Variants in H6PD observed in about 807,000 individuals in gnomAD.
H6PD encodes hexose-6-phosphate dehydrogenase/glucose 1-dehydrogenase, also known as GDH/6PGL endoplasmic bifunctional protein.
In H6PD, 48 loss-of-function variants were observed where a neutral mutation model predicts 61.2. That is an observed-to-expected ratio of 0.78 (90% CI 0.62 to 1.00). The LOEUF (loss-of-function observed/expected upper bound fraction) is 1.00. Ranked by LOEUF, H6PD falls within the 50% of genes least tolerant of loss-of-function variation. The pLI is 0.00. For synonymous variants in H6PD, 480 were observed against 457.9 expected (o/e 1.05, Z -0.62); for missense variants, 1,093 against 1,065.0 (o/e 1.03, Z -0.37).
In H6PD at chr1:9,235,012, A is replaced by T. The variant is rs1640809570; in HGVS notation, c.-65A>T. 6.8e-6 allele frequency: 1 copy of T among 147,040 alleles called. No individual in the cohort carries two copies. The allele number at this position is 147,040 out of a possible 1,614,324, so 9.1% of individuals were successfully genotyped here. A position where few individuals can be genotyped will look rare whatever the true frequency, so the allele number is the denominator to read the frequency against. On this transcript the variant is annotated 5_prime_UTR_variant, in exon 1 of 5. Coordinates refer to ENST00000377403, the MANE Select transcript of H6PD (RefSeq NM_004285.4). ...GCCCTCGGGAGCGGGCCCGGCCCTC[A>T]GCGCCGCCCCGGCCGTGTCCCGGAG...
Position 9,245,007 on chromosome 1 carries a change from C to T in H6PD, c.73C>T (p.His25Tyr). 3 of 1,614,088 alleles carry T rather than the reference C, an allele frequency of 1.9e-6. No homozygotes were observed. The highest frequency in any genetic ancestry group is 8.5e-7 in the Non-Finnish European group (1 of 1,179,926). Reference protein sequence around the residue: ...GCLQAQELQGHVSIILLGATG... With the variant: ...GCLQAQELQGYVSIILLGATG... ...CCTGCAAGCCCAGGAGCTCCAGGGA[C>T]ATGTCTCCATAATCCTGCTGGGAGC... Residue 25 changes from histidine to tyrosine, a missense_variant, in exon 2 of 5, where the codon CAT becomes TAT. Physicochemically the swap from His to Tyr is moderately conservative, Grantham distance 83 (BLOSUM62 2). Transcript: ENST00000377403. The surrounding 1 kb of genome is among the most constrained non-coding windows in gnomAD (Gnocchi z 4.8).
chr1:9,243,880 AG>A (rs1238589282), intron 1 of H6PD, among the ~76,000 whole-genome samples: 4 of 85,862 alleles, frequency 4.7e-5, no homozygotes, highest in South Asian at 5.1e-4. Context: ...GGGCGGTGGG[AG>A]GGGGGGTCTG....
At chr1:9,252,791 C>T (rs1202367254) in intron 3 of H6PD, among the ~76,000 whole-genome samples, 1 of 152,150 alleles carries the variant, frequency 6.6e-6, no homozygotes, top group Non-Finnish European at 1.5e-5. Context: ...TGAGTCTGAG[C>T]AGCACAGCTG....
chr1:9,254,309 C>T lies in H6PD; in HGVS notation c.745+7226C>T, dbSNP rs945669337. Among the ~76,000 whole-genome samples, 14 of 152,110 alleles carry T rather than the reference C, an allele frequency of 9.2e-5. No homozygotes were observed. Among genetic ancestry groups the T allele is most frequent in the African/African-American group, 2.9e-4 (12 of 41,412 alleles). ...GGCGAAGGTTACAGTGAGCCAAGAT[C>T]GCGCCACTGCACTGCAGCCTGGGTA... On this transcript the variant is annotated intron_variant, in intron 3 of 4. Coordinates refer to ENST00000377403, the MANE Select transcript of H6PD (RefSeq NM_004285.4). This position sits in a 1 kb window ranked among gnomAD's most constrained non-coding sequence, Gnocchi z 4.6.
At chr1:9,242,962 C>T in intron 1 of H6PD, 1 of 985,400 alleles carries the variant, frequency 1.0e-6, no homozygotes, top group Non-Finnish European at 1.2e-6. Flanking sequence ...GCAGAATGGT[C>T]CTGTGGTCCG....
intron 1 of H6PD, among the ~76,000 whole-genome samples, chr1:9,239,177 G>A (rs1407222908): frequency 6.6e-6 from 1 of 152,038 alleles, no homozygotes; most frequent in Non-Finnish European, 1.5e-5. Context: ...CTCCCAAGTA[G>A]CTGGGATTAC....
chr1:9,248,847 G>A (rs544352677), intron 3 of H6PD, among the ~76,000 whole-genome samples: 21 of 152,298 alleles, frequency 1.4e-4, no homozygotes, highest in Non-Finnish European at 2.4e-4. Context: ...TCAGGGAATC[G>A]TCCTCCAGCC....
chr1:9,256,867 G>A (rs960116776), intron 3 of H6PD, among the ~76,000 whole-genome samples: 15 of 151,906 alleles, frequency 9.9e-5, no homozygotes, highest in African/African-American at 3.6e-4. Context: ...TTATTCCCTC[G>A]CTTCTCTTTC....
chr1:9,263,649 T>G lies in H6PD; in HGVS notation c.1156T>G (p.Trp386Gly). 4 of 1,614,176 alleles carry G rather than the reference T, an allele frequency of 2.5e-6. No individual in the cohort carries two copies. In the South Asian group the frequency reaches 4.4e-5, roughly 18 times the overall value. ...CTGCTGTGTGCAGAGCGAAAAGCAC[T>G]GGGCCGCGGCGCAGAGCCAGTGCCT... ...QACCVQSEKH[W>G]AAAQSQCLPR... The change falls in exon 5 of 5, where the codon TGG becomes GGG. Residue 386 changes from tryptophan to glycine, a missense_variant. Coordinates refer to ENST00000377403, the MANE Select transcript of H6PD (RefSeq NM_004285.4).
intron 3 of H6PD, among the ~76,000 whole-genome samples, chr1:9,259,330 ATGT>A (rs1168045103): frequency 1.3e-5 from 2 of 152,000 alleles, no homozygotes; most frequent in Admixed American, 6.6e-5. Flanking sequence ...CAGTGTTGTT[ATGT>A]TGTTGTTACA....
intron 1 of H6PD, among the ~76,000 whole-genome samples, chr1:9,236,977 G>A (rs1436102061): frequency 1.3e-5 from 2 of 152,176 alleles, no homozygotes; most frequent in Non-Finnish European, 2.9e-5. Context: ...AAGGCAAAGC[G>A]GACCCGGGAG....
intron 1 of H6PD, among the ~76,000 whole-genome samples, chr1:9,235,817 G>T (rs897920737): frequency 8.5e-5 from 13 of 152,198 alleles, no homozygotes; most frequent in Admixed American, 4.6e-4. Context: ...TCACTATGTT[G>T]CCCTGGCTGG....
chr1:9,258,737 CTG>C (rs1641608626), intron 3 of H6PD, among the ~76,000 whole-genome samples: 1 of 151,536 alleles, frequency 6.6e-6, no homozygotes, highest in Non-Finnish European at 1.5e-5. Context: ...TATGTTGCTG[CTG>C]TTACATCGGT....
chr1:9,263,296 A>G (rs1473228954), intron 4 of H6PD, among the ~76,000 whole-genome samples: 1 of 152,180 alleles, frequency 6.6e-6, no homozygotes, highest in East Asian at 1.9e-4. Context: ...GCAGGTGTCA[A>G]AGCCATAGAG....
chr1:9,249,979 C>T (rs1243360459), intron 3 of H6PD, among the ~76,000 whole-genome samples: 1 of 152,186 alleles, frequency 6.6e-6, no homozygotes. Context: ...TTCTGCATTC[C>T]AGGAAGGTGG....
At chr1:9,259,335 G>A (rs1438691485) in intron 3 of H6PD, among the ~76,000 whole-genome samples, 1 of 152,210 alleles carries the variant, frequency 6.6e-6, no homozygotes, top group Non-Finnish European at 1.5e-5. Context: ...TTGTTATGTT[G>A]TTGTTACACT....
chr1:9,248,503 C>A (rs1287526637), intron 3 of H6PD, among the ~76,000 whole-genome samples: 2 of 152,058 alleles, frequency 1.3e-5, no homozygotes, highest in African/African-American at 4.8e-5. Flanking sequence ...GCTGGTGGGA[C>A]AAACTCCAAA....
intron 1 of H6PD, among the ~76,000 whole-genome samples, chr1:9,238,881 G>A (rs1329958091): frequency 1.3e-5 from 2 of 152,154 alleles, no homozygotes; most frequent in African/African-American, 4.8e-5. Context: ...TATATCTGTG[G>A]TGTAAATATT....
At position 9,264,817 on chromosome 1, in the gene H6PD, C is replaced by T. The variant is rs145080671; in HGVS notation, c.2324C>T (p.Pro775Leu). The part of the protein sequence containing the change: ...PKKWPISGVL[P>L]HSGQLVWYMD... ...AAGTGGCCCATCTCGGGTGTCCTGCCGCACTCCGGCCAGCTGGTGTGGTAC... is the reference window on the plus strand; with the variant it reads ...AAGTGGCCCATCTCGGGTGTCCTGCTGCACTCCGGCCAGCTGGTGTGGTAC... The change falls in exon 5 of 5, where the codon CCG (proline) becomes CTG (leucine). Residue 775 changes from proline to leucine, a missense_variant. Pro to Leu is a moderately conservative substitution (Grantham distance 98). Transcript: ENST00000377403. 34 of 1,612,764 alleles carry T rather than the reference C, an allele frequency of 2.1e-5. No individual in the cohort carries two copies. The highest frequency in any genetic ancestry group is 1.7e-4 in the African/African-American group (13 of 75,058).
Sources: allele counts gnomAD v4.1 joint callset (sites outside exome capture counted in the v4.1 genomes callset), GRCh38; gene constraint gnomAD v4.1.1; non-coding constraint Gnocchi (gnomAD v3.1); transcripts MANE v1.5; gene names NCBI Gene and HGNC (gene_info 2026-07-23, HGNC 2026-07-21).